Variants in NIPAL2 observed in about 807,000 individuals in gnomAD.
NIPAL2 encodes NIPA like domain containing 2, also known as NIPA-like protein 2.
In NIPAL2, 43 loss-of-function variants were observed where a neutral mutation model predicts 48.9. That is an observed-to-expected ratio of 0.88 (90% CI 0.69 to 1.13). NIPAL2 has a LOEUF of 1.13. Among genes scored for constraint, NIPAL2 ranks in the 50% most tolerant of loss-of-function variants. The probability of loss-of-function intolerance (pLI) is 0.00; values close to 1 mark genes in which losing one functional copy is unlikely to be tolerated. For synonymous variants in NIPAL2, 167 were observed against 174.6 expected, an observed-to-expected ratio of 0.96 and a Z score of 0.34; for missense variants, 446 against 461.4, an observed-to-expected ratio of 0.97 and a Z score of 0.31.
chr8:98,243,387 G>A (rs1450075535), intron 3 of NIPAL2, among the ~76,000 whole-genome samples: 1 of 152,176 alleles, frequency 6.6e-6, no homozygotes, highest in African/African-American at 2.4e-5. Context: ...CAAGTTTCCG[G>A]TGCCTTCCAA....
intron 1 of NIPAL2, among the ~76,000 whole-genome samples, chr8:98,260,583 C>T (rs1325497141): frequency 5.9e-5 from 9 of 152,256 alleles, no homozygotes; most frequent in Middle Eastern, 3.4e-3. Flanking sequence ...GCTTAAAAAA[C>T]GGCGCACCAC....
intron 1 of NIPAL2, among the ~76,000 whole-genome samples, chr8:98,285,041 A>G (rs996583671): frequency 6.6e-6 from 1 of 152,208 alleles, no homozygotes; most frequent in Non-Finnish European, 1.5e-5. Flanking sequence ...CTTAGGGATG[A>G]TGCTTTTGAA....
At chr8:98,255,592 T>C (rs1456955504) in intron 1 of NIPAL2, among the ~76,000 whole-genome samples, 3 of 152,268 alleles carry the variant, frequency 2.0e-5, no homozygotes, top group Admixed American at 1.3e-4. Flanking sequence ...AAACTCATTA[T>C]ATAGTTGATA....
intron 4 of NIPAL2, among the ~76,000 whole-genome samples, chr8:98,226,119 C>T (rs1812160823): frequency 6.6e-6 from 1 of 152,028 alleles, no homozygotes; most frequent in Non-Finnish European, 1.5e-5. Flanking sequence ...AATTCCTTCT[C>T]TGGGTTATCT....
intron 8 of NIPAL2, among the ~76,000 whole-genome samples, chr8:98,201,301 C>T (rs1810786286): frequency 6.6e-6 from 1 of 152,150 alleles, no homozygotes; most frequent in Non-Finnish European, 1.5e-5. Context: ...TCTTGCCATC[C>T]CACCGACTCA....
chr8:98,255,287 A>G (rs1003732545), intron 1 of NIPAL2, among the ~76,000 whole-genome samples: 17 of 152,362 alleles, frequency 1.1e-4, no homozygotes, highest in African/African-American at 3.6e-4. Context: ...GTCCAAAAGT[A>G]TAATATCTGC....
intron 1 of NIPAL2, among the ~76,000 whole-genome samples, chr8:98,278,065 C>G (rs1384821434): frequency 6.6e-6 from 1 of 152,162 alleles, no homozygotes; most frequent in Non-Finnish European, 1.5e-5. Flanking sequence ...GAAGTATAGG[C>G]TGACAGTAAT....
chr8:98,242,652 A>G (rs1975665), intron 3 of NIPAL2, among the ~76,000 whole-genome samples: 12,289 of 151,870 alleles, frequency 0.081, 610 homozygotes, highest in African/African-American at 0.14. Context: ...TGCCCGGCTA[A>G]TTTTTGTATT....
At chr8:98,247,264 T>C (rs1813354686) in intron 3 of NIPAL2, among the ~76,000 whole-genome samples, 1 of 152,178 alleles carries the variant, frequency 6.6e-6, no homozygotes, top group Non-Finnish European at 1.5e-5. Flanking sequence ...AATTCAAATT[T>C]GAACCAATTC....
chr8:98,205,180 A>G lies in NIPAL2; in HGVS notation c.722T>C (p.Met241Thr). The G allele has an allele frequency of 1.2e-6, 2 of 1,613,550 alleles. No homozygotes were observed. The highest frequency in any genetic ancestry group is 8.5e-7 in the Non-Finnish European group (1 of 1,179,522). Residue 241 changes from methionine to threonine, a missense_variant, in exon 7 of 11, where the codon ATG becomes ACG. Transcript: ENST00000430223. ...GMITFSVMDK[M>T]QLTYPIFYIM... Reference sequence around the variant, plus strand: ...ATAGAAAATGGGGTAAGTTAGTTGCATTTTATCCATCACAGAAAAAGTGAT... The same window carrying G: ...ATAGAAAATGGGGTAAGTTAGTTGCGTTTTATCCATCACAGAAAAAGTGAT...
chr8:98,292,010 T>A (rs990167764), intron 1 of NIPAL2, among the ~76,000 whole-genome samples: 2 of 152,216 alleles, frequency 1.3e-5, no homozygotes, highest in African/African-American at 4.8e-5. Context: ...TTGATGATAA[T>A]CACTTTGGAA....
At chr8:98,196,071 G>T (rs1451939320) in intron 8 of NIPAL2, 66 bp from the exon 9 acceptor site, 1 of 946,242 alleles carries the variant, frequency 1.1e-6, no homozygotes, top group Non-Finnish European at 1.6e-6. Flanking sequence ...GCTAAATATT[G>T]TTTGTAAAAT....
chr8:98,262,988 T>C (rs1219682738), intron 1 of NIPAL2, among the ~76,000 whole-genome samples: 1 of 147,426 alleles, frequency 6.8e-6, no homozygotes, highest in African/African-American at 2.5e-5. Flanking sequence ...TCAAAACCGC[T>C]CAACTACATG....
At chr8:98,286,358 G>A (rs1029431799) in intron 1 of NIPAL2, among the ~76,000 whole-genome samples, 2 of 152,162 alleles carry the variant, frequency 1.3e-5, no homozygotes, top group African/African-American at 4.8e-5. Flanking sequence ...ATGCAGACCT[G>A]GTATGACCTG....
At chr8:98,276,562 G>A (rs1815478451) in intron 1 of NIPAL2, among the ~76,000 whole-genome samples, 1 of 152,082 alleles carries the variant, frequency 6.6e-6, no homozygotes, top group Admixed American at 6.6e-5. Flanking sequence ...TACGTTTTCA[G>A]TGCCTGTGGG....
At chr8:98,252,770 CA>C in intron 2 of NIPAL2, 136 bp from the exon 3 acceptor site, 1 of 750,046 alleles carries the variant, frequency 1.3e-6, no homozygotes, top group Non-Finnish European at 2.0e-6. Flanking sequence ...AGAACGAATA[CA>C]TTTTTGGGGA....
chr8:98,259,235 C>T (rs914910882), intron 1 of NIPAL2, among the ~76,000 whole-genome samples: 1 of 150,678 alleles, frequency 6.6e-6, no homozygotes, highest in Admixed American at 6.6e-5. Flanking sequence ...CGCCACCATG[C>T]CCGGCTAATT....
intron 1 of NIPAL2, among the ~76,000 whole-genome samples, chr8:98,261,399 A>G (rs1211163128): frequency 2.2e-5 from 3 of 139,214 alleles, no homozygotes; most frequent in Admixed American, 7.4e-5. Context: ...AGAAGAATGT[A>G]TAACTAGAAT....
At chr8:98,285,509 A>G (rs1816100183) in intron 1 of NIPAL2, among the ~76,000 whole-genome samples, 1 of 152,116 alleles carries the variant, frequency 6.6e-6, no homozygotes, top group Admixed American at 6.5e-5. Flanking sequence ...CAGGGGGGTG[A>G]AAGGAAGTAT....
Sources: gnomAD v4.1 joint callset for allele counts (sites outside exome capture counted in the v4.1 genomes callset) on GRCh38, gnomAD v4.1.1 for gene constraint, MANE v1.5 for transcripts, NCBI Gene and HGNC (gene_info 2026-07-23, HGNC 2026-07-21) for gene names.